Variants in VPS13B observed in about 807,000 individuals in gnomAD.
The protein encoded by VPS13B is intermembrane lipid transfer protein VPS13B.
In VPS13B, 285 loss-of-function variants were observed where a neutral mutation model predicts 426.4. The ratio of observed to expected loss-of-function variants is 0.67; its 90% CI spans 0.61 to 0.74. The LOEUF (loss-of-function observed/expected upper bound fraction) is 0.74, where lower values mean the gene tolerates loss of function less well. Ranked by LOEUF, VPS13B falls within the 30% of genes least tolerant of loss-of-function variation. The pLI, the probability that VPS13B is intolerant of heterozygous loss-of-function variation, is 0.00. For missense variants in VPS13B, 4,537 were observed against 4,782.6 expected, an observed-to-expected ratio of 0.95 and a Z score of 1.51; for synonymous variants, 1,676 against 1,676.4, an observed-to-expected ratio of 1.00 and a Z score of 0.01.
intron 19 of VPS13B, among the ~76,000 whole-genome samples, chr8:99,303,769 T>C (rs1215793508): frequency 2.0e-5 from 3 of 150,540 alleles, no homozygotes; most frequent in Non-Finnish European, 4.4e-5. Context: ...TGTTTCTTTC[T>C]TGTGATTGTG....
chr8:99,875,301 C>T (rs575869308), intron 61 of VPS13B, 117 bp from the exon 62 acceptor site: 5 of 1,390,558 alleles, frequency 3.6e-6, no homozygotes, highest in Non-Finnish European at 5.1e-6. Context: ...GGATTAATGG[C>T]TTTAATAGAT....
intron 33 of VPS13B, among the ~76,000 whole-genome samples, chr8:99,619,891 T>TAAC (rs1828278264): frequency 2.0e-5 from 2 of 102,174 alleles, no homozygotes; most frequent in African/African-American, 3.5e-5. Context: ...ATGATGATAA[T>TAAC]AATAATAATA....
rs1814282850 is a variant in VPS13B at position 99,820,205 on chromosome 8, A to C, written c.8994+83A>C. 5.2e-6 allele frequency: 7 copies of C among 1,337,430 alleles called. No homozygotes were observed. The South Asian group carries it at 8.5e-5, about 16-fold the overall frequency. 82.8% of individuals were successfully genotyped at this position (1,337,430 alleles called of 1,614,324 possible). A position where few individuals can be genotyped will look rare whatever the true frequency, so the allele number is the denominator to read the frequency against. ...GTAAAGTTGCGTTTATGATCTTAAC[A>C]GAATGAATCAGTTGTGAAAAATTCT... On this transcript the variant is annotated intron_variant, in intron 49 of 61. Transcript: ENST00000357162.
chr8:99,481,543 G>A, intron 24 of VPS13B, 56 bp from the exon 25 acceptor site: 1 of 1,546,840 alleles, frequency 6.5e-7, no homozygotes, highest in Non-Finnish European at 8.9e-7. Context: ...TATTTTAGTG[G>A]ATTGAAACTG....
chr8:99,406,374 TG>T (rs1426598910), intron 21 of VPS13B, among the ~76,000 whole-genome samples: 2 of 152,324 alleles, frequency 1.3e-5, no homozygotes, highest in East Asian at 3.9e-4. Flanking sequence ...TTAACCTTTT[TG>T]TTTCTCGTTA....
At chr8:99,096,205 A>G in intron 3 of VPS13B, 107 bp from the exon 4 acceptor site, 1 of 1,279,994 alleles carries the variant, frequency 7.8e-7, no homozygotes, top group Non-Finnish European at 1.1e-6. Flanking sequence ...AATTATGTTG[A>G]TCTTATCTCC....
intron 39 of VPS13B, among the ~76,000 whole-genome samples, chr8:99,747,461 G>C (rs894456918): frequency 1.3e-5 from 2 of 151,906 alleles, no homozygotes; most frequent in Non-Finnish European, 1.5e-5. Context: ...ACCAGCTGTT[G>C]GTTCTTCAGA....
Position 99,115,868 on chromosome 8 carries a change from A to T in VPS13B, c.931A>T (p.Ile311Phe), listed in dbSNP as rs946173649. 2.5e-6 allele frequency: 4 copies of T among 1,612,146 alleles called. No individual in the cohort carries two copies. In the African/African-American group the frequency reaches 5.3e-5, roughly 22 times the overall value. Residue 311 changes from isoleucine (I) to phenylalanine (F), a missense_variant, in exon 7 of 62, where the codon ATT becomes TTT. Ile to Phe is a conservative substitution (Grantham distance 21). Coordinates refer to ENST00000357162, the MANE Select transcript of VPS13B (RefSeq NM_152564.5). The stretch of plus-strand genomic sequence containing the variant: ...TCATAATAAAGATATGCTAGGAAAC[A>T]TTACAGGTAATGTAAAACTTTATTA... ...TCHNKDMLGN[I>F]TGSEDETRID...
At chr8:99,755,194 G>A (rs1810580925) in intron 39 of VPS13B, among the ~76,000 whole-genome samples, 1 of 152,102 alleles carries the variant, frequency 6.6e-6, no homozygotes, top group Non-Finnish European at 1.5e-5. Context: ...TTAAAGCTCT[G>A]TGCAAGCAGT....
At chr8:99,256,154 T>C (rs182912284) in intron 17 of VPS13B, among the ~76,000 whole-genome samples, 75 of 152,300 alleles carry the variant, frequency 4.9e-4, no homozygotes, top group African/African-American at 1.7e-3. Context: ...TTGGCCTTTC[T>C]GGGTTGCTGG....
chr8:99,443,201 A>G (rs1817758428), intron 23 of VPS13B, among the ~76,000 whole-genome samples: 1 of 152,114 alleles, frequency 6.6e-6, no homozygotes, highest in Admixed American at 6.5e-5. Context: ...ATTTCAAACA[A>G]AATGTGAACC....
chr8:99,829,975 T>A (rs1475955586), intron 51 of VPS13B, among the ~76,000 whole-genome samples: 1 of 152,214 alleles, frequency 6.6e-6, no homozygotes, highest in Non-Finnish European at 1.5e-5. Flanking sequence ...CTGGAAGCTT[T>A]ATCCCAGAGG....
Position 99,776,951 on chromosome 8 carries a change from G to T in VPS13B, c.7424G>T (p.Gly2475Val). The change falls in exon 41 of 62, where the codon GGC becomes GTC. Residue 2475 changes from glycine (G) to valine (V), a missense_variant. Physicochemically the swap from Gly to Val is moderately radical, Grantham distance 109. Transcript: ENST00000357162. Reference protein sequence around the residue: ...FHLCHHLDQLGTAAPQYLQPF... With the variant: ...FHLCHHLDQLVTAAPQYLQPF... ...CTTTGTCATCACCTTGACCAACTAGGCACAGGTACTCTTTTTTTTAGCATC... is the reference window on the plus strand; with the variant it reads ...CTTTGTCATCACCTTGACCAACTAGTCACAGGTACTCTTTTTTTTAGCATC... The T allele has an allele frequency of 6.2e-7, 1 of 1,613,798 alleles. No homozygotes were observed. The highest frequency in any genetic ancestry group is 1.1e-5 in the South Asian group (1 of 91,078).
chr8:99,064,484 G>A (rs964096669), intron 3 of VPS13B, among the ~76,000 whole-genome samples: 4 of 152,172 alleles, frequency 2.6e-5, no homozygotes, highest in African/African-American at 9.7e-5. Flanking sequence ...TAGCTGATTC[G>A]ATCAAGTTGA....
intron 17 of VPS13B, among the ~76,000 whole-genome samples, chr8:99,238,390 T>G (rs1816749897): frequency 6.6e-6 from 1 of 152,178 alleles, no homozygotes; most frequent in African/African-American, 2.4e-5. Context: ...ATATTACTTC[T>G]TAGTCCACTC....
At chr8:99,131,788 G>A (rs886595107) in intron 8 of VPS13B, among the ~76,000 whole-genome samples, 1 of 152,204 alleles carries the variant, frequency 6.6e-6, no homozygotes, top group African/African-American at 2.4e-5. Context: ...AGTGGCAGAG[G>A]CAATTTCTCA....
intron 12 of VPS13B, among the ~76,000 whole-genome samples, chr8:99,142,010 G>T (rs897161101): frequency 6.6e-6 from 1 of 151,948 alleles, no homozygotes; most frequent in African/African-American, 2.4e-5. Context: ...CCGAGATCAC[G>T]CCACTGCACT....
At chr8:99,117,579 G>A (rs1218846296) in intron 7 of VPS13B, among the ~76,000 whole-genome samples, 29 of 152,036 alleles carry the variant, frequency 1.9e-4, no homozygotes. Context: ...ATCAAATTAT[G>A]GCATATTCAT....
intron 52 of VPS13B, among the ~76,000 whole-genome samples, chr8:99,833,450 G>C (rs74941823): frequency 1.4e-4 from 21 of 152,212 alleles, no homozygotes; most frequent in Middle Eastern, 3.4e-3. Flanking sequence ...CTCTTTTGAT[G>C]TAATATTTTA....
Sources: allele counts gnomAD v4.1 joint callset (sites outside exome capture counted in the v4.1 genomes callset), GRCh38; gene constraint gnomAD v4.1.1; transcripts MANE v1.5; gene names NCBI Gene and HGNC (gene_info 2026-07-23, HGNC 2026-07-21).